The following CELF2 variants were observed in gnomAD, a reference collection of about 807,000 sequenced individuals.
The protein encoded by CELF2 is CUGBP Elav-like family member 2.
In CELF2, 8 loss-of-function variants were observed where a neutral mutation model predicts 62.6. The observed-to-expected ratio is 0.13, with a 90% CI of 0.07 to 0.23. The LOEUF (loss-of-function observed/expected upper bound fraction) is 0.23. Ranked by LOEUF, CELF2 falls within the 10% of genes least tolerant of loss-of-function variation. CELF2 has a pLI of 1.00. For missense variants in CELF2, 333 were observed against 671.0 expected (o/e 0.50, Z 5.56); for synonymous variants, 258 against 250.0 (o/e 1.03, Z -0.30).
chr10:10,685,479 G>A, the CELF2 span, among the ~76,000 whole-genome samples: 1 of 152,118 alleles, frequency 6.6e-6, no homozygotes, highest in South Asian at 2.1e-4. Context: ...AACTTATAAT[G>A]ACAATGGCAA....
intron 1 of CELF2, among the ~76,000 whole-genome samples, chr10:10,901,792 T>A (rs547354192): frequency 3.3e-5 from 5 of 152,184 alleles, no homozygotes; most frequent in African/African-American, 1.2e-4. Flanking sequence ...ACATATTAGG[T>A]TTGTGCAAAA....
the CELF2 span, among the ~76,000 whole-genome samples, chr10:10,464,181 C>T: frequency 6.6e-6 from 1 of 152,094 alleles, no homozygotes; most frequent in Non-Finnish European, 1.5e-5. Context: ...TAGAACATTA[C>T]AAAGTGTCAA....
chr10:10,464,617 A>G, the CELF2 span, among the ~76,000 whole-genome samples: 1 of 152,196 alleles, frequency 6.6e-6, no homozygotes. Context: ...ACAACCTCTC[A>G]GACTCTGAGT....
At chr10:10,568,937 A>C in the CELF2 span, among the ~76,000 whole-genome samples, 1 of 152,160 alleles carries the variant, frequency 6.6e-6, no homozygotes, top group Non-Finnish European at 1.5e-5. Flanking sequence ...TAGTTACAAT[A>C]TTGTAATAAA....
upstream of CELF2, among the ~76,000 whole-genome samples, chr10:11,002,520 G>T (rs1000137294): frequency 2.0e-5 from 3 of 152,186 alleles, no homozygotes; most frequent in Non-Finnish European, 4.4e-5. This position sits in a 1 kb window ranked among gnomAD's most constrained non-coding sequence, Gnocchi z 4.4. Context: ...GTTGCATGTG[G>T]TGTCGTAGAA....
intron 1 of CELF2, among the ~76,000 whole-genome samples, chr10:10,810,233 G>A (rs1022122370): frequency 1.1e-4 from 16 of 152,072 alleles, no homozygotes; most frequent in South Asian, 4.1e-4. Flanking sequence ...AAATACAATC[G>A]TGTACGGAAG....
chr10:10,933,555 T>G (rs2066316631), intron 2 of CELF2, among the ~76,000 whole-genome samples: 1 of 152,078 alleles, frequency 6.6e-6, no homozygotes, highest in South Asian at 2.1e-4. Context: ...TATCCAACGG[T>G]AACTTTATAC....
At chr10:10,486,630 G>A in the CELF2 span, among the ~76,000 whole-genome samples, 1 of 152,096 alleles carries the variant, frequency 6.6e-6, no homozygotes, top group Non-Finnish European at 1.5e-5. Context: ...CTGAAAATCT[G>A]AAATCTGAAA....
At chr10:11,289,415 G>T (rs954207728) in intron 9 of CELF2, among the ~76,000 whole-genome samples, 7 of 152,150 alleles carry the variant, frequency 4.6e-5, no homozygotes, top group Non-Finnish European at 8.8e-5. Flanking sequence ...AACACACATC[G>T]AAAACTACAG....
intron 1 of CELF2, among the ~76,000 whole-genome samples, chr10:10,874,959 A>G (rs1316402807): frequency 6.6e-6 from 1 of 152,232 alleles, no homozygotes; most frequent in African/African-American, 2.4e-5. Context: ...AATGTAAACT[A>G]GATTTCATTA....
chr10:10,903,297 A>C (rs1334517975), intron 1 of CELF2, among the ~76,000 whole-genome samples: 1 of 152,190 alleles, frequency 6.6e-6, no homozygotes, highest in Non-Finnish European at 1.5e-5. Context: ...ATCTGCTCCC[A>C]GGATGTCAGA....
intron 1 of CELF2, among the ~76,000 whole-genome samples, chr10:10,821,214 A>G (rs2056934123): frequency 6.6e-6 from 1 of 152,180 alleles, no homozygotes; most frequent in East Asian, 1.9e-4. Context: ...TACCTCTAAT[A>G]TGCCAAAGAG....
chr10:10,901,419 G>A (rs972574924), intron 1 of CELF2, among the ~76,000 whole-genome samples: 2 of 152,210 alleles, frequency 1.3e-5, no homozygotes, highest in African/African-American at 4.8e-5. Flanking sequence ...AATCAATGAA[G>A]TGAGAAAAGA....
the CELF2 span, among the ~76,000 whole-genome samples, chr10:10,528,818 A>G: frequency 0.033 from 5,028 of 152,322 alleles, 262 homozygotes; most frequent in African/African-American, 0.11. Flanking sequence ...TTGATCTTCA[A>G]AGGAAGAATT....
At chr10:10,647,292 C>T in the CELF2 span, among the ~76,000 whole-genome samples, 1 of 152,144 alleles carries the variant, frequency 6.6e-6, no homozygotes, top group African/African-American at 2.4e-5. Flanking sequence ...CTTTCTGCTC[C>T]TTGCGATTTC....
the CELF2 span, among the ~76,000 whole-genome samples, chr10:10,788,256 C>G: frequency 1.3e-5 from 2 of 151,738 alleles, no homozygotes; most frequent in East Asian, 1.9e-4. Context: ...CAAAATAGGA[C>G]CTTTTTTTTT....
At chr10:11,070,358 G>C (rs2069503292) in intron 1 of CELF2, among the ~76,000 whole-genome samples, 1 of 152,128 alleles carries the variant, frequency 6.6e-6, no homozygotes, top group Non-Finnish European at 1.5e-5. Flanking sequence ...CATGATCCAG[G>C]GACCTGTAGA....
chr10:10,793,450 AAAAC>A (rs545927527), upstream of CELF2, among the ~76,000 whole-genome samples: 9 of 152,318 alleles, frequency 5.9e-5, no homozygotes, highest in South Asian at 2.1e-4. Context: ...ATGCTTGGGA[AAAAC>A]AAACAAACAA....
rs1465849408 is a variant in CELF2, at chr10:11,260,550, C to T, written c.538+2678C>T. 6.6e-6 allele frequency among the ~76,000 whole-genome samples: 1 copy of T among 152,150 alleles called. No homozygotes were observed. Among genetic ancestry groups the T allele is most frequent in the African/African-American group, 2.4e-5 (1 of 41,432 alleles). On this transcript the variant is annotated intron_variant, in intron 5 of 12. Coordinates refer to ENST00000633077, the MANE Select transcript of CELF2 (RefSeq NM_001326342.2). This position sits in a 1 kb window ranked among gnomAD's most constrained non-coding sequence, Gnocchi z 4.2. Reference sequence around the variant, plus strand: ...ATTAACCAGCACTTGACACCAGAAGCAGCCTGTTCCTGCAACAAGTGATGG... The same window carrying T: ...ATTAACCAGCACTTGACACCAGAAGTAGCCTGTTCCTGCAACAAGTGATGG...
Sources: gnomAD v4.1 joint callset for allele counts (sites outside exome capture counted in the v4.1 genomes callset) on GRCh38, gnomAD v4.1.1 for gene constraint, Gnocchi (gnomAD v3.1) non-coding constraint, MANE v1.5 for transcripts, NCBI Gene and HGNC (gene_info 2026-07-23, HGNC 2026-07-21) for gene names.